Variants in ATP8A2 observed in about 807,000 individuals in gnomAD.
ATP8A2 encodes the protein phospholipid-transporting ATPase IB.
In ATP8A2, 100 loss-of-function variants were observed where a neutral mutation model predicts 165.6. The ratio of observed to expected loss-of-function variants is 0.60; its 90% CI spans 0.51 to 0.71. The LOEUF (loss-of-function observed/expected upper bound fraction) is 0.71, where lower values mean the gene tolerates loss of function less well. Ranked by LOEUF, ATP8A2 falls within the 30% of genes least tolerant of loss-of-function variation. ATP8A2 has a pLI of 0.00. For synonymous variants in ATP8A2, 543 were observed against 548.8 expected (o/e 0.99, Z 0.15); for missense variants, 1,227 against 1,479.5 (o/e 0.83, Z 2.80).
chr13:25,926,146 G>GATT (rs1371781820), intron 33 of ATP8A2, among the ~76,000 whole-genome samples: 1 of 152,164 alleles, frequency 6.6e-6, no homozygotes, highest in Non-Finnish European at 1.5e-5. Flanking sequence ...AATAGTCCAT[G>GATT]ATTCCTAACA....
chr13:25,555,108 G>A lies in ATP8A2; in HGVS notation c.1263+40G>A, dbSNP rs1466541708. The A allele has an allele frequency of 4.2e-6, 6 of 1,426,414 alleles. No individual in the cohort carries two copies. In the Admixed American group the frequency reaches 5.1e-5, roughly 12 times the overall value. The allele number at this position is 1,426,414 out of a possible 1,614,324, so 88.4% of individuals were successfully genotyped here. Reference sequence around the variant, plus strand: ...GGGAACTTTGGGAATGGTGACACGAGCATGAGGGAAAATGAGTGTTAGCAG... The same window carrying A: ...GGGAACTTTGGGAATGGTGACACGAACATGAGGGAAAATGAGTGTTAGCAG... On this transcript the variant is annotated intron_variant, in intron 13 of 36. Transcript: ENST00000381655.
intron 13 of ATP8A2, among the ~76,000 whole-genome samples, chr13:25,556,302 C>T (rs1259186278): frequency 1.3e-5 from 2 of 152,142 alleles, no homozygotes; most frequent in Non-Finnish European, 2.9e-5. Flanking sequence ...TTAATGATAA[C>T]CATTCTGACT....
rs570403326 is a variant in ATP8A2, at chr13:25,825,550, A to G, written c.2680-2568A>G. ...TGCAATAAAATAAAATACCCACTAGATATCTTTTTGGTCAATTGTTTGAAT... is the reference window on the plus strand; with the variant it reads ...TGCAATAAAATAAAATACCCACTAGGTATCTTTTTGGTCAATTGTTTGAAT... On this transcript the variant is annotated intron_variant, in intron 27 of 36. Transcript: ENST00000381655. 3.9e-5 allele frequency among the ~76,000 whole-genome samples: 6 copies of G among 152,208 alleles called. 1 individual carries two copies. In the South Asian group the frequency reaches 1.0e-3, roughly 26 times the overall value.
intron 24 of ATP8A2, among the ~76,000 whole-genome samples, chr13:25,697,926 C>T (rs575205277): frequency 9.8e-4 from 149 of 152,294 alleles, no homozygotes; most frequent in African/African-American, 3.3e-3. Flanking sequence ...AACAATAAGA[C>T]AGTTTTCTGG....
intron 24 of ATP8A2, among the ~76,000 whole-genome samples, chr13:25,695,737 A>G (rs763295318): frequency 6.6e-6 from 1 of 152,200 alleles, no homozygotes; most frequent in African/African-American, 2.4e-5. Context: ...TTCAGGCTTC[A>G]CTTCTAATTC....
intron 11 of ATP8A2, among the ~76,000 whole-genome samples, chr13:25,553,529 T>C (rs2038886697): frequency 6.6e-6 from 1 of 152,210 alleles, no homozygotes; most frequent in Non-Finnish European, 1.5e-5. Flanking sequence ...TTTCTTCTTC[T>C]GGATGGCCTT....
At chr13:25,492,543 C>A (rs2036559064) in intron 2 of ATP8A2, among the ~76,000 whole-genome samples, 1 of 152,222 alleles carries the variant, frequency 6.6e-6, no homozygotes, top group African/African-American at 2.4e-5. Context: ...AGATGCCCAG[C>A]CTTGACCCAG....
intron 24 of ATP8A2, among the ~76,000 whole-genome samples, chr13:25,597,116 A>G (rs150379330): frequency 2.0e-5 from 3 of 152,336 alleles, no homozygotes; most frequent in African/African-American, 7.2e-5. Context: ...TGCTTTTTAA[A>G]ATTACTGAAT....
At chr13:25,640,842 G>A (rs2137565065) in intron 24 of ATP8A2, among the ~76,000 whole-genome samples, 1 of 152,282 alleles carries the variant, frequency 6.6e-6, no homozygotes, top group Middle Eastern at 3.4e-3. Flanking sequence ...GAACATCAAT[G>A]CAAAAATCCT....
At chr13:25,672,223 AT>A (rs2042281400) in intron 24 of ATP8A2, among the ~76,000 whole-genome samples, 1 of 152,002 alleles carries the variant, frequency 6.6e-6, no homozygotes, top group Non-Finnish European at 1.5e-5. Flanking sequence ...CTTTTGTCTT[AT>A]TTGAAGATTC....
intron 24 of ATP8A2, among the ~76,000 whole-genome samples, chr13:25,626,034 A>G (rs548389946): frequency 6.6e-6 from 1 of 152,292 alleles, no homozygotes; most frequent in African/African-American, 2.4e-5. Context: ...TGTGATTGTA[A>G]TGTGCCTTTC....
intron 27 of ATP8A2, among the ~76,000 whole-genome samples, chr13:25,821,811 C>T (rs141218478): frequency 1.3e-5 from 2 of 152,264 alleles, no homozygotes; most frequent in African/African-American, 4.8e-5. Flanking sequence ...GGCTCCTCCC[C>T]CAAGGTGTGA....
intron 1 of ATP8A2, among the ~76,000 whole-genome samples, chr13:25,387,726 G>T (rs1038611554): frequency 3.3e-5 from 5 of 152,012 alleles, no homozygotes; most frequent in Non-Finnish European, 1.5e-5. Context: ...TAAAGATAGG[G>T]GTTTCGTTCT....
intron 2 of ATP8A2, among the ~76,000 whole-genome samples, chr13:25,510,200 CACACACACACACACACACACAG>C (rs1442573506): frequency 3.7e-4 from 46 of 124,070 alleles, no homozygotes; most frequent in Admixed American, 8.9e-4. Context: ...CACACACACA[CACACACACACACACACACACAG>C]AGAATGTTGA....
intron 16 of ATP8A2, among the ~76,000 whole-genome samples, chr13:25,567,762 T>C (rs2039357176): frequency 6.6e-6 from 1 of 152,214 alleles, no homozygotes; most frequent in Admixed American, 6.5e-5. Context: ...ACTAAACTCT[T>C]TGACATTTAA....
rs1566266911 is a variant in ATP8A2 at position 25,559,018 on chromosome 13, A to G, written c.1309A>G (p.Ile437Val). 1 of 1,613,060 alleles carries G rather than the reference A, an allele frequency of 6.2e-7. No homozygotes were observed. The highest frequency in any genetic ancestry group is 8.5e-7 in the Non-Finnish European group (1 of 1,179,562). ...CAAGACTGGAACGCTTACATGCAAT[A>G]TCATGAACTTTAAGAAGTGCAGCAT... ...SDKTGTLTCN[I>V]MNFKKCSIAG... The change falls in exon 14 of 37, where the codon ATC (isoleucine) becomes GTC (valine). Residue 437 changes from isoleucine (I) to valine (V), a missense_variant. Physicochemically the swap from Ile to Val is conservative, Grantham distance 29. Coordinates refer to ENST00000381655, the MANE Select transcript of ATP8A2 (RefSeq NM_016529.6).
At chr13:25,545,783 C>T (rs1458131139) in intron 10 of ATP8A2, among the ~76,000 whole-genome samples, 1 of 152,182 alleles carries the variant, frequency 6.6e-6, no homozygotes, top group African/African-American at 2.4e-5. Flanking sequence ...TGTAGGCACA[C>T]ACCACCATGC....
intron 24 of ATP8A2, among the ~76,000 whole-genome samples, chr13:25,664,629 G>T (rs80244353): frequency 0.029 from 4,464 of 152,248 alleles, 123 homozygotes; most frequent in East Asian, 0.13. Flanking sequence ...TGATGGGTTT[G>T]GCTCTGATGG....
intron 24 of ATP8A2, among the ~76,000 whole-genome samples, chr13:25,630,083 C>CA (rs534530838): frequency 0.027 from 3,327 of 123,028 alleles, 114 homozygotes; most frequent in African/African-American, 0.1. Flanking sequence ...TTTTGTCCCC[C>CA]CCCCACCACC....
Sources: allele counts gnomAD v4.1 joint callset (sites outside exome capture counted in the v4.1 genomes callset), GRCh38; gene constraint gnomAD v4.1.1; transcripts MANE v1.5; gene names NCBI Gene and HGNC (gene_info 2026-07-23, HGNC 2026-07-21).